The following FER variants were observed in gnomAD, a reference collection of about 807,000 sequenced individuals.
The protein encoded by FER is FER tyrosine kinase.
A neutral mutation model predicts 111.0 loss-of-function variants in FER; 63 were observed. That is an observed-to-expected ratio of 0.57 (90% CI 0.46 to 0.70). The LOEUF is 0.70. Among genes scored for constraint, FER ranks in the 30% least tolerant of loss-of-function variants. The pLI is 0.00. For missense variants in FER, 914 were observed against 954.0 expected (o/e 0.96, Z 0.55); for synonymous variants, 327 against 313.9 (o/e 1.04, Z -0.44).
intron 1 of FER, among the ~76,000 whole-genome samples, chr5:108,764,781 T>G (rs1390582823): frequency 6.6e-6 from 1 of 152,208 alleles, no homozygotes; most frequent in African/African-American, 2.4e-5. Context: ...AATTGGATTT[T>G]GAAAAACTAA....
chr5:109,074,559 C>T (rs548169948), intron 16 of FER, among the ~76,000 whole-genome samples: 1 of 152,192 alleles, frequency 6.6e-6, no homozygotes. Context: ...ATTCCATATA[C>T]TTGGAGTTCC....
At chr5:109,058,267 A>G (rs1262245175) in intron 16 of FER, among the ~76,000 whole-genome samples, 1 of 152,174 alleles carries the variant, frequency 6.6e-6, no homozygotes, top group South Asian at 2.1e-4. Flanking sequence ...ATGAATGACA[A>G]ATGACTAAAT....
intron 13 of FER, among the ~76,000 whole-genome samples, chr5:108,990,643 T>G (rs1301513977): frequency 1.3e-5 from 2 of 151,694 alleles, no homozygotes; most frequent in African/African-American, 4.8e-5. Context: ...GAATGCTATA[T>G]TTGGGAGTTG....
chr5:108,987,097 T>C (rs1382353516), intron 13 of FER, among the ~76,000 whole-genome samples: 1 of 152,136 alleles, frequency 6.6e-6, no homozygotes, highest in Non-Finnish European at 1.5e-5. Context: ...GTGTTTCCAT[T>C]TGTTTGTTTT....
At chr5:108,863,712 A>G (rs1475811973) in intron 5 of FER, among the ~76,000 whole-genome samples, 2 of 152,152 alleles carry the variant, frequency 1.3e-5, no homozygotes, top group East Asian at 1.9e-4. Context: ...TTTCTGATAA[A>G]CATTAAAAAA....
intron 6 of FER, 129 bp downstream of exon 6, chr5:108,868,079 T>A (rs1764251294): frequency 1.3e-6 from 1 of 794,328 alleles, no homozygotes; most frequent in African/African-American, 1.8e-5. Context: ...CAGACCTTGA[T>A]TCTTCTTGAT....
intron 13 of FER, among the ~76,000 whole-genome samples, chr5:109,017,561 A>T (rs1036653684): frequency 2.6e-5 from 4 of 151,992 alleles, no homozygotes; most frequent in Admixed American, 6.6e-5. Flanking sequence ...AATGTAATTC[A>T]TAAGAAAAGA....
chr5:109,177,657 C>T (rs1757850275), intron 17 of FER: 1 of 152,144 alleles, frequency 6.6e-6, no homozygotes, highest in African/African-American at 2.4e-5. Flanking sequence ...TTATTTAATC[C>T]TTAATTAACC....
chr5:108,779,237 G>GT (rs1238523031), intron 2 of FER, among the ~76,000 whole-genome samples: 1 of 152,106 alleles, frequency 6.6e-6, no homozygotes, highest in Admixed American at 6.5e-5. Context: ...AAACTGGGCA[G>GT]TATCAGTCTT....
intron 9 of FER, among the ~76,000 whole-genome samples, chr5:108,891,743 C>G (rs1167312220): frequency 6.6e-6 from 1 of 151,156 alleles, no homozygotes; most frequent in Admixed American, 6.6e-5. Flanking sequence ...TATACATGTG[C>G]CATGCTGGTG....
intron 5 of FER, among the ~76,000 whole-genome samples, chr5:108,865,594 T>G (rs1763961056): frequency 6.6e-6 from 1 of 152,124 alleles, no homozygotes; most frequent in Non-Finnish European, 1.5e-5. Flanking sequence ...AGGATCTAAT[T>G]AAACTAAAGA....
At chr5:109,131,870 T>C (rs1007685440) in intron 17 of FER, among the ~76,000 whole-genome samples, 6 of 152,176 alleles carry the variant, frequency 3.9e-5, no homozygotes, top group African/African-American at 9.7e-5. Context: ...TGCATACTCC[T>C]TGTTACAGTA....
At chr5:108,869,888 C>A (rs1342843467) in intron 6 of FER, among the ~76,000 whole-genome samples, 1 of 151,884 alleles carries the variant, frequency 6.6e-6, no homozygotes, top group Admixed American at 6.6e-5. Context: ...AGGTGATCCT[C>A]CATATTCACA....
chr5:108,966,886 A>G (rs1006918000), intron 13 of FER, among the ~76,000 whole-genome samples: 5 of 152,220 alleles, frequency 3.3e-5, no homozygotes, highest in Non-Finnish European at 5.9e-5. Flanking sequence ...TTGAACAAAC[A>G]TAGAACAAAC....
intron 17 of FER, among the ~76,000 whole-genome samples, chr5:109,167,874 T>G (rs909698826): frequency 2.6e-5 from 4 of 152,108 alleles, no homozygotes; most frequent in African/African-American, 9.7e-5. Flanking sequence ...GTAGAAAAGT[T>G]TCAGTATGAA....
intron 17 of FER, among the ~76,000 whole-genome samples, chr5:109,109,272 A>G (rs977803192): frequency 6.6e-6 from 1 of 152,066 alleles, no homozygotes; most frequent in African/African-American, 2.4e-5. Context: ...TCACCTGTTT[A>G]TTTTATTTAT....
intron 10 of FER, among the ~76,000 whole-genome samples, chr5:108,934,201 C>A (rs1270006324): frequency 6.6e-6 from 1 of 152,104 alleles, no homozygotes; most frequent in East Asian, 1.9e-4. Flanking sequence ...ATCTAGGCAA[C>A]CTGGCTTACT....
chr5:108,815,213 G>A (rs1367884553), intron 3 of FER, among the ~76,000 whole-genome samples: 1 of 152,092 alleles, frequency 6.6e-6, no homozygotes, highest in Admixed American at 6.6e-5. Flanking sequence ...TAACATGGGT[G>A]TCTTCACGCT....
chr5:109,014,313 T>A (rs1766726811), intron 13 of FER, among the ~76,000 whole-genome samples: 3 of 152,206 alleles, frequency 2.0e-5, no homozygotes, highest in Admixed American at 6.5e-5. Flanking sequence ...CTAGCCAGTT[T>A]TCCCAGCACC....
Sources: gnomAD v4.1 joint callset for allele counts (sites outside exome capture counted in the v4.1 genomes callset) on GRCh38, gnomAD v4.1.1 for gene constraint, MANE v1.5 for transcripts, NCBI Gene and HGNC (gene_info 2026-07-23, HGNC 2026-07-21) for gene names.